The following SYCP1 variants were observed in gnomAD, a reference collection of about 807,000 sequenced individuals.
SYCP1 encodes cancer/testis antigen 8.
SYCP1 carries 64 observed loss-of-function variants against 153.1 expected under a neutral mutation model. The ratio of observed to expected loss-of-function variants is 0.42; its 90% CI spans 0.34 to 0.51. The LOEUF is 0.51. SYCP1 is among the 20% of genes least tolerant of loss of function. The probability of loss-of-function intolerance (pLI) is 0.06; values close to 1 mark genes in which losing one functional copy is unlikely to be tolerated. For missense variants in SYCP1, 997 were observed against 1,049.0 expected (o/e 0.95, Z 0.68); for synonymous variants, 384 against 341.8 (o/e 1.12, Z -1.36).
At chr1:114,930,628 G>C (rs558268301) in intron 23 of SYCP1, among the ~76,000 whole-genome samples, 8 of 151,864 alleles carry the variant, frequency 5.3e-5, no homozygotes, top group Non-Finnish European at 8.8e-5. Context: ...ATATCTCCTA[G>C]AGAAAAATCC....
At chr1:114,897,426 CT>C (rs1667144986) in intron 16 of SYCP1, among the ~76,000 whole-genome samples, 1 of 152,114 alleles carries the variant, frequency 6.6e-6, no homozygotes, top group Non-Finnish European at 1.5e-5. Flanking sequence ...ATCCCAAGGC[CT>C]TTTACCAGTT....
chr1:114,981,444 A>G lies in SYCP1; in HGVS notation c.2491A>G (p.Ile831Val), dbSNP rs201577690. ...SRNFTSVDHG[I>V]SKDKRDYLWT... ...AAATTTCACATCAGTTGATCATGGC[A>G]TATCCAAAGATAAAAGAGACTATCT... Residue 831 changes from isoleucine (I) to valine (V), a missense_variant, in exon 29 of 32, where the codon ATA becomes GTA. Ile to Val is a conservative substitution (Grantham distance 29, BLOSUM62 3). This residue lies in a region of SYCP1 where 712 missense variants were observed against 682.9 expected (regional missense o/e 1.04). Transcript: ENST00000369522. The G allele has an allele frequency of 3.0e-5, 48 of 1,610,424 alleles. No individual in the cohort carries two copies. In the East Asian group the frequency reaches 8.3e-4, roughly 28 times the overall value.
In SYCP1 at chr1:114,977,056, G is replaced by A. The variant is rs116418690; in HGVS notation, c.2323-501G>A. Among the ~76,000 whole-genome samples the A allele has an allele frequency of 6.9e-3, 1,042 of 151,728 alleles. 15 individuals carry two copies. Among genetic ancestry groups the A allele is most frequent in the African/African-American group, 0.024 (982 of 41,498 alleles). ...GAATAAATTCTATCTAATGATATTA[G>A]CATATCACTCTTTCCATTCTGACCA... On this transcript the variant is annotated intron_variant, in intron 27 of 31. Coordinates refer to ENST00000369522, the MANE Select transcript of SYCP1 (RefSeq NM_003176.4).
At chr1:114,862,214 A>G (rs1251521656) in intron 8 of SYCP1, among the ~76,000 whole-genome samples, 1 of 152,184 alleles carries the variant, frequency 6.6e-6, no homozygotes, top group Non-Finnish European at 1.5e-5. Context: ...TGTACTCAAC[A>G]TTCAAGATTA....
At chr1:114,962,201 T>G (rs1570871968) in intron 27 of SYCP1, among the ~76,000 whole-genome samples, 1 of 152,056 alleles carries the variant, frequency 6.6e-6, no homozygotes, top group African/African-American at 2.4e-5. Flanking sequence ...GCCAGGCTGG[T>G]CTCGAACTCC....
intron 12 of SYCP1, among the ~76,000 whole-genome samples, chr1:114,881,950 ACTGT>A (rs765130340): frequency 1.7e-4 from 26 of 152,320 alleles, no homozygotes; most frequent in Admixed American, 3.3e-4. Context: ...TCTGTAAATT[ACTGT>A]CTGTTACTAT....
chr1:114,910,545 G>A lies in SYCP1; in HGVS notation c.1425+44G>A, dbSNP rs1668110278. On this transcript the variant is annotated intron_variant, in intron 17 of 31. Transcript: ENST00000369522. ...TTTTATTTTAAATATTTTGTTAATAGAACATAGATTTATGGATTATGGTAT... is the reference window on the plus strand; with the variant it reads ...TTTTATTTTAAATATTTTGTTAATAAAACATAGATTTATGGATTATGGTAT... 4.0e-6 allele frequency: 5 copies of A among 1,258,618 alleles called. No individual in the cohort carries two copies. The East Asian group carries it at 1.1e-4, about 27-fold the overall frequency. The allele number at this position is 1,258,618 out of a possible 1,614,324, so 78.0% of individuals were successfully genotyped here.
rs1045093864 is a variant in SYCP1 at position 114,912,521 on chromosome 1, A to G, written c.1530-512A>G. Among the ~76,000 whole-genome samples the G allele has an allele frequency of 3.3e-5, 5 of 152,072 alleles. No homozygotes were observed. In the East Asian group the frequency reaches 5.8e-4, roughly 18 times the overall value. Reference sequence around the variant, plus strand: ...AGTAGAACATTTGAGATCTTTTAAGAGCAAGTTAGGTGTTGTGCAAAAAAG... The same window carrying G: ...AGTAGAACATTTGAGATCTTTTAAGGGCAAGTTAGGTGTTGTGCAAAAAAG... On this transcript the variant is annotated intron_variant, in intron 18 of 31. Transcript: ENST00000369522.
At chr1:114,965,824 C>T (rs1672088932) in intron 27 of SYCP1, among the ~76,000 whole-genome samples, 1 of 152,142 alleles carries the variant, frequency 6.6e-6, no homozygotes, top group South Asian at 2.1e-4. Context: ...TGTTGTGTCT[C>T]TGCCAGGTTT....
chr1:114,860,279 C>A (rs1664283311), intron 7 of SYCP1, among the ~76,000 whole-genome samples: 1 of 152,000 alleles, frequency 6.6e-6, no homozygotes, highest in Non-Finnish European at 1.5e-5. Flanking sequence ...TCAAGATAGC[C>A]ACAGGTCTCA....
chr1:114,892,677 C>T (rs570553349), intron 15 of SYCP1, among the ~76,000 whole-genome samples: 13 of 152,174 alleles, frequency 8.5e-5, no homozygotes, highest in African/African-American at 2.9e-4. Context: ...GCTGCAGGAG[C>T]GGGAGCCTTT....
At chr1:114,986,159 G>T (rs114158411) in intron 30 of SYCP1, among the ~76,000 whole-genome samples, 44 of 152,102 alleles carry the variant, frequency 2.9e-4, no homozygotes, top group Middle Eastern at 3.4e-3. Context: ...AGAGATCACA[G>T]TATATACTGT....
intron 30 of SYCP1, among the ~76,000 whole-genome samples, chr1:114,991,567 C>T (rs1002480134): frequency 3.3e-5 from 5 of 151,668 alleles, no homozygotes; most frequent in East Asian, 1.9e-4. Flanking sequence ...ATATCATCAT[C>T]GTGATGCAAA....
chr1:114,946,021 A>G (rs1670681996), intron 25 of SYCP1, among the ~76,000 whole-genome samples: 2 of 152,106 alleles, frequency 1.3e-5, no homozygotes, highest in African/African-American at 2.4e-5. Flanking sequence ...CAATGTTTCC[A>G]AAGATAAAAG....
rs530803875 is a variant in SYCP1 at position 114,943,391 on chromosome 1, A to C, written c.1927-948A>C. 2.0e-5 allele frequency among the ~76,000 whole-genome samples: 3 copies of C among 152,044 alleles called. 1 individual carries two copies. In the South Asian group the frequency reaches 6.2e-4, roughly 32 times the overall value. ...TACATAAACAGTGTTATATTCATAC[A>C]ATAGAACACTACTCAGCAGTGAAAA... On this transcript the variant is annotated intron_variant, in intron 23 of 31. Coordinates refer to ENST00000369522, the MANE Select transcript of SYCP1 (RefSeq NM_003176.4).
chr1:114,990,680 A>G (rs1207338744), intron 30 of SYCP1, among the ~76,000 whole-genome samples: 1 of 151,984 alleles, frequency 6.6e-6, no homozygotes, highest in African/African-American at 2.4e-5. Context: ...AAATAATTGT[A>G]TGCCAACAAA....
chr1:114,987,986 C>T (rs1335005412), intron 30 of SYCP1, among the ~76,000 whole-genome samples: 2 of 148,686 alleles, frequency 1.3e-5, no homozygotes, highest in South Asian at 4.2e-4. Context: ...ATGAGAAACC[C>T]ACTAGAGGGA....
chr1:114,856,337 A>G (rs1401522068), intron 2 of SYCP1, among the ~76,000 whole-genome samples: 1 of 152,238 alleles, frequency 6.6e-6, no homozygotes, highest in Non-Finnish European at 1.5e-5. Context: ...CTACAAAGCC[A>G]TATATTGAGT....
intron 29 of SYCP1, among the ~76,000 whole-genome samples, chr1:114,982,236 C>T (rs1181741255): frequency 6.6e-6 from 1 of 151,918 alleles, no homozygotes; most frequent in Admixed American, 6.6e-5. Flanking sequence ...TGGAAGCACT[C>T]CTAATATTCT....
Sources: gnomAD v4.1 joint callset for allele counts (sites outside exome capture counted in the v4.1 genomes callset) on GRCh38, gnomAD v4.1.1 for gene constraint, gnomAD v4.1.1 regional missense constraint, MANE v1.5 for transcripts, NCBI Gene and HGNC (gene_info 2026-07-23, HGNC 2026-07-21) for gene names.